SIK3: variants seen among roughly 807,000 people sequenced by gnomAD.
SIK3 encodes SIK family kinase 3.
Under a neutral mutation model 144.2 loss-of-function variants are expected in SIK3, and 28 were observed. The observed-to-expected ratio is 0.19, with a 90% CI of 0.14 to 0.27. SIK3 has a LOEUF of 0.27. SIK3 is among the 10% of genes least tolerant of loss of function. The probability of loss-of-function intolerance (pLI) is 1.00; values close to 1 mark genes in which losing one functional copy is unlikely to be tolerated. For missense variants in SIK3, 1,319 were observed against 1,776.0 expected (o/e 0.74, Z 4.62); for synonymous variants, 686 against 676.3 (o/e 1.01, Z -0.22).
intron 1 of SIK3, among the ~76,000 whole-genome samples, chr11:117,005,183 C>T (rs1201309926): frequency 6.6e-6 from 1 of 151,568 alleles, no homozygotes; most frequent in Non-Finnish European, 1.5e-5. Context: ...TGGCTCACAC[C>T]TGTAATCCCA....
intron 19 of SIK3, 78 bp downstream of exon 19, chr11:116,861,196 A>C (rs1488205861): frequency 6.2e-6 from 7 of 1,124,892 alleles, no homozygotes; most frequent in Non-Finnish European, 7.9e-6. Context: ...CAAATGGTTT[A>C]TGGTGCTCAA....
chr11:116,891,722 A>C (rs1424821565), intron 6 of SIK3, among the ~76,000 whole-genome samples: 1 of 152,130 alleles, frequency 6.6e-6, no homozygotes, highest in Non-Finnish European at 1.5e-5. Context: ...TGTTTTATTT[A>C]TTTATATGTT....
chr11:116,911,792 C>A (rs781141952), intron 4 of SIK3, among the ~76,000 whole-genome samples: 4 of 152,154 alleles, frequency 2.6e-5, no homozygotes, highest in Non-Finnish European at 5.9e-5. Flanking sequence ...AAACACTGAG[C>A]AGTTAGTTTT....
intron 1 of SIK3, among the ~76,000 whole-genome samples, chr11:117,012,525 T>A (rs111708971): frequency 0.032 from 4,946 of 152,290 alleles, 130 homozygotes; most frequent in Middle Eastern, 0.051. Flanking sequence ...CTAAACTGAT[T>A]CATCTTCTGT....
At chr11:116,853,758 T>C (rs765795489) in intron 21 of SIK3, among the ~76,000 whole-genome samples, 16 of 152,238 alleles carry the variant, frequency 1.1e-4, no homozygotes, top group Non-Finnish European at 2.4e-4. Flanking sequence ...TGAGTTCCAG[T>C]TGGTAATCTC....
intron 1 of SIK3, among the ~76,000 whole-genome samples, chr11:117,059,762 ATCATATGTTAC>A (rs1288405249): frequency 1.3e-5 from 2 of 152,248 alleles, no homozygotes; most frequent in African/African-American, 2.4e-5. Context: ...GATGCTAAAC[ATCATATGTTAC>A]TAGGCTACTG....
chr11:117,064,374 C>T (rs1387103316), intron 1 of SIK3, among the ~76,000 whole-genome samples: 1 of 152,190 alleles, frequency 6.6e-6, no homozygotes, highest in Non-Finnish European at 1.5e-5. Flanking sequence ...CTTATTGCCT[C>T]TCACTCTTAA....
At chr11:116,887,856 A>G (rs554505434) in intron 6 of SIK3, among the ~76,000 whole-genome samples, 2 of 152,320 alleles carry the variant, frequency 1.3e-5, no homozygotes, top group Non-Finnish European at 2.9e-5. Context: ...AGCCTCAAAT[A>G]AATCCTCTTT....
intron 1 of SIK3, among the ~76,000 whole-genome samples, chr11:117,063,644 G>A (rs1192785144): frequency 1.3e-5 from 2 of 149,618 alleles, no homozygotes; most frequent in Non-Finnish European, 3.0e-5. Flanking sequence ...GGAGTGTAAT[G>A]GCATGATCTC....
At chr11:116,917,357 A>G (rs1946700085) in intron 4 of SIK3, among the ~76,000 whole-genome samples, 1 of 152,184 alleles carries the variant, frequency 6.6e-6, no homozygotes, top group Non-Finnish European at 1.5e-5. Flanking sequence ...AATAAAAGTA[A>G]AACACTACTC....
At chr11:116,937,233 T>C (rs548068034) in intron 3 of SIK3, among the ~76,000 whole-genome samples, 12 of 152,296 alleles carry the variant, frequency 7.9e-5, no homozygotes, top group African/African-American at 2.2e-4. Flanking sequence ...AAAATACAAA[T>C]ATGCATGTGT....
chr11:116,932,142 C>T (rs1947642521), intron 3 of SIK3, among the ~76,000 whole-genome samples: 1 of 152,298 alleles, frequency 6.6e-6, no homozygotes, highest in South Asian at 2.1e-4. Context: ...TATTTCTCAC[C>T]CCTGCCTTCA....
intron 1 of SIK3, among the ~76,000 whole-genome samples, chr11:117,059,504 T>C (rs1480455945): frequency 6.6e-6 from 1 of 152,178 alleles, no homozygotes; most frequent in Admixed American, 6.5e-5. Flanking sequence ...TTTCTTAACT[T>C]GATGATTATT....
chr11:116,885,858 C>T (rs1944790666), intron 6 of SIK3, among the ~76,000 whole-genome samples: 1 of 152,188 alleles, frequency 6.6e-6, no homozygotes, highest in Admixed American at 6.5e-5. Context: ...CCTCAGTTTT[C>T]TTATTTATCA....
At chr11:116,847,398 G>A in intron 23 of SIK3, 78 bp downstream of exon 23, 1 of 1,590,654 alleles carries the variant, frequency 6.3e-7, no homozygotes, top group African/African-American at 1.3e-5. Flanking sequence ...TTCCTACGAA[G>A]AGAGGAGCAG....
intron 6 of SIK3, among the ~76,000 whole-genome samples, chr11:116,891,990 G>A (rs1476013807): frequency 6.6e-6 from 1 of 152,194 alleles, no homozygotes; most frequent in African/African-American, 2.4e-5. Context: ...CACTAAGGCA[G>A]CAAATACAGA....
intron 1 of SIK3, among the ~76,000 whole-genome samples, chr11:117,013,915 G>GGGGGGTGT (rs1206309055): frequency 8.5e-5 from 2 of 23,646 alleles, no homozygotes; most frequent in Non-Finnish European, 2.6e-4. Context: ...GGGGGGGGAG[G>GGGGGGTGT]GTGTGTGTGT....
intron 1 of SIK3, among the ~76,000 whole-genome samples, chr11:117,015,690 T>C (rs1037064792): frequency 2.6e-5 from 4 of 152,110 alleles, no homozygotes; most frequent in African/African-American, 9.7e-5. Context: ...TTCTCCTGCC[T>C]CAGCCTCCCA....
At chr11:117,076,480 A>G (rs961731745) in intron 1 of SIK3, among the ~76,000 whole-genome samples, 2 of 152,214 alleles carry the variant, frequency 1.3e-5, no homozygotes, top group Non-Finnish European at 2.9e-5. Context: ...CCAATTTACC[A>G]AGGCAACATT....
Sources: gnomAD v4.1 joint callset for allele counts (sites outside exome capture counted in the v4.1 genomes callset) on GRCh38, gnomAD v4.1.1 for gene constraint, MANE v1.5 for transcripts, NCBI Gene and HGNC (gene_info 2026-07-23, HGNC 2026-07-21) for gene names.